Variants in SLC27A2 observed in about 807,000 individuals in gnomAD.
SLC27A2 encodes the protein solute carrier family 27 member 2, also known as long-chain fatty acid transport protein 2.
Under a neutral mutation model 60.0 loss-of-function variants are expected in SLC27A2, and 54 were observed. The ratio of observed to expected loss-of-function variants is 0.90; its 90% CI spans 0.72 to 1.13. The LOEUF is 1.13. Ranked by LOEUF, SLC27A2 falls within the 50% of genes most tolerant of loss-of-function variation. SLC27A2 has a pLI of 0.00. For missense variants in SLC27A2, 739 were observed against 777.6 expected (o/e 0.95, Z 0.59); for synonymous variants, 297 against 297.6 (o/e 1.00, Z 0.02).
chr15:50,197,909 C>T (rs1163419006), intron 2 of SLC27A2, among the ~76,000 whole-genome samples, 200 bp downstream of exon 2: 2 of 152,026 alleles, frequency 1.3e-5, no homozygotes, highest in African/African-American at 4.8e-5. Flanking sequence ...ATATTTTCCG[C>T]CAGTTGGTAT....
chr15:50,206,151 C>G (rs2045110211), intron 4 of SLC27A2, among the ~76,000 whole-genome samples: 1 of 152,120 alleles, frequency 6.6e-6, no homozygotes, highest in Non-Finnish European at 1.5e-5. Context: ...GCCGCGCGGA[C>G]TTATTCTGTG....
chr15:50,222,416 TTCTC>T (rs140127976), intron 4 of SLC27A2, among the ~76,000 whole-genome samples: 1 of 151,912 alleles, frequency 6.6e-6, no homozygotes, highest in African/African-American at 2.4e-5. Flanking sequence ...GAAAATGGCT[TTCTC>T]TCTCTCTCTG....
chr15:50,206,147 C>T (rs951281748), intron 4 of SLC27A2, among the ~76,000 whole-genome samples: 2 of 152,088 alleles, frequency 1.3e-5, no homozygotes, highest in African/African-American at 2.4e-5. Context: ...CTTTGCCGCG[C>T]GGACTTATTC....
intron 1 of SLC27A2, among the ~76,000 whole-genome samples, chr15:50,192,915 A>G (rs1360151479): frequency 1.3e-5 from 2 of 151,720 alleles, no homozygotes; most frequent in Non-Finnish European, 2.9e-5. Flanking sequence ...GCTAAGTCCT[A>G]TCTACTCTAC....
intron 1 of SLC27A2, among the ~76,000 whole-genome samples, chr15:50,187,504 C>T (rs1373072134): frequency 1.3e-5 from 2 of 152,196 alleles, no homozygotes; most frequent in African/African-American, 4.8e-5. Context: ...CATCAATAAA[C>T]TAGCTCTTCC....
Position 50,223,019 on chromosome 15 carries a change from G to A in SLC27A2, c.1027G>A (p.Gly343Arg). The A allele has an allele frequency of 1.2e-6, 2 of 1,613,792 alleles. No homozygotes were observed. The highest frequency in any genetic ancestry group is 1.7e-6 in the Non-Finnish European group (2 of 1,179,816). The part of the protein sequence containing the change: ...VRLALGNGLR[G>R]DVWRQFVKRF... ...ACTGGCACTGGGAAATGGCTTACGAGGAGATGTGTGGAGACAATTTGTCAA... is the reference window on the plus strand; with the variant it reads ...ACTGGCACTGGGAAATGGCTTACGAAGAGATGTGTGGAGACAATTTGTCAA... The change falls in exon 5 of 10, where the codon GGA becomes AGA. Residue 343 changes from glycine to arginine, a missense_variant. Transcript: ENST00000267842.
chr15:50,196,060 A>AAAAAAAATAAAAAAAT (rs1567428280), intron 1 of SLC27A2, among the ~76,000 whole-genome samples: 2 of 13,842 alleles, frequency 1.4e-4, no homozygotes, highest in Admixed American at 1.2e-3. Flanking sequence ...TCTCAAAAAA[A>AAAAAAAATAAAAAAAT]AAAAAAAAAA....
chr15:50,202,682 C>T (rs1201053059), intron 3 of SLC27A2, 37 bp downstream of exon 3: 4 of 1,598,740 alleles, frequency 2.5e-6, no homozygotes, highest in Non-Finnish European at 3.4e-6. Flanking sequence ...GGCGAGTGCA[C>T]ATTTACATTT....
intron 5 of SLC27A2, among the ~76,000 whole-genome samples, chr15:50,223,507 A>C (rs1402192045): frequency 6.6e-6 from 1 of 151,878 alleles, no homozygotes; most frequent in African/African-American, 2.4e-5. Flanking sequence ...ATTTCCCTTT[A>C]ATTGTGTCGT....
intron 1 of SLC27A2, among the ~76,000 whole-genome samples, chr15:50,195,319 A>G (rs2140898289): frequency 6.6e-6 from 1 of 150,660 alleles, no homozygotes; most frequent in East Asian, 1.9e-4. Context: ...ATGAAAAAAA[A>G]AAAAAAAACA....
intron 8 of SLC27A2, among the ~76,000 whole-genome samples, chr15:50,229,260 T>C (rs1052070762): frequency 6.6e-6 from 1 of 152,158 alleles, no homozygotes; most frequent in African/African-American, 2.4e-5. Flanking sequence ...TCCCAGCCAT[T>C]CTTGGGCTCT....
intron 1 of SLC27A2, among the ~76,000 whole-genome samples, chr15:50,195,954 T>A (rs1425915631): frequency 5.5e-5 from 8 of 145,864 alleles, no homozygotes; most frequent in African/African-American, 2.0e-4. Context: ...ACCGGGAGGC[T>A]GAGGCAGGAG....
chr15:50,188,982 A>AATAGATAAATAG (rs1555500194), intron 1 of SLC27A2, among the ~76,000 whole-genome samples: 88 of 135,526 alleles, frequency 6.5e-4, no homozygotes, highest in African/African-American at 2.5e-3. Flanking sequence ...TAGATAGATA[A>AATAGATAAATAG]ATAGATAGAT....
At chr15:50,218,060 CAAAAAAA>C (rs34661754) in intron 4 of SLC27A2, among the ~76,000 whole-genome samples, 40 of 63,888 alleles carry the variant, frequency 6.3e-4, no homozygotes, top group African/African-American at 2.1e-3. Context: ...GACTCTGTCT[CAAAAAAA>C]AAAAAAAAAA....
intron 4 of SLC27A2, among the ~76,000 whole-genome samples, chr15:50,218,316 G>A (rs1248888100): frequency 6.6e-6 from 1 of 151,954 alleles, no homozygotes; most frequent in East Asian, 1.9e-4. Flanking sequence ...AGAGTAGATA[G>A]GAAAATTAGA....
At chr15:50,229,131 G>T (rs1056994260) in intron 8 of SLC27A2, 89 bp downstream of exon 8, 2 of 801,696 alleles carry the variant, frequency 2.5e-6, no homozygotes, top group Non-Finnish European at 4.2e-6. Context: ...GCTTTCTCCC[G>T]CCATCCAGAG....
intron 2 of SLC27A2, 95 bp downstream of exon 2, chr15:50,197,804 G>A (rs940271917): frequency 7.4e-6 from 6 of 808,586 alleles, no homozygotes; most frequent in African/African-American, 1.7e-5. Context: ...AAAACGTATT[G>A]GGTAACTAAT....
Position 50,202,475 on chromosome 15 carries a change from A to T in SLC27A2, c.689-12A>T. Reference sequence around the variant, plus strand: ...TTGGTTAACTCATGCCTTCTCTTGTATATTTACAAAGGTCTTCCAAAAGCA... The same window carrying T: ...TTGGTTAACTCATGCCTTCTCTTGTTTATTTACAAAGGTCTTCCAAAAGCA... On this transcript the variant is annotated splice_polypyrimidine_tract_variant and intron_variant, in intron 2 of 9. Coordinates refer to ENST00000267842, the MANE Select transcript of SLC27A2 (RefSeq NM_003645.4). The T allele has an allele frequency of 6.2e-7, 1 of 1,614,000 alleles. No individual in the cohort carries two copies. The highest frequency in any genetic ancestry group is 1.7e-5 in the Admixed American group (1 of 60,020).
In SLC27A2 at chr15:50,182,600, C is replaced by T. The variant is rs1454983366; in HGVS notation, c.173C>T (p.Ala58Val). 2 of 1,613,492 alleles carry T rather than the reference C, an allele frequency of 1.2e-6. No individual in the cohort carries two copies. The highest frequency in any genetic ancestry group is 1.3e-5 in the African/African-American group (1 of 75,050). Residue 58 changes from alanine to valine, a missense_variant, in exon 1 of 10, where the codon GCG (alanine) becomes GTG (valine). Ala to Val is a moderately conservative substitution (Grantham distance 64). Coordinates refer to ENST00000267842, the MANE Select transcript of SLC27A2 (RefSeq NM_003645.4). ...CGGCCGGCGCGCACCATCCTGCGGG[C>T]GTTCCTGGAGAAAGCGCGCCAGACG... ...KRRPARTILR[A>V]FLEKARQTPH...
Sources: allele counts gnomAD v4.1 joint callset (sites outside exome capture counted in the v4.1 genomes callset), GRCh38; gene constraint gnomAD v4.1.1; transcripts MANE v1.5; gene names NCBI Gene and HGNC (gene_info 2026-07-23, HGNC 2026-07-21).